DENND5B: variants seen among roughly 807,000 people sequenced by gnomAD.
The protein encoded by DENND5B is DENN domain-containing protein 5B.
In DENND5B, 34 loss-of-function variants were observed where a neutral mutation model predicts 140.6. That is an observed-to-expected ratio of 0.24 (90% CI 0.18 to 0.32). The LOEUF (loss-of-function observed/expected upper bound fraction) is 0.32. Ranked by LOEUF, DENND5B falls within the 10% of genes least tolerant of loss-of-function variation. The probability of loss-of-function intolerance (pLI) is 1.00; values close to 1 mark genes in which losing one functional copy is unlikely to be tolerated. For synonymous variants in DENND5B, 551 were observed against 562.1 expected (o/e 0.98, Z 0.28); for missense variants, 1,142 against 1,560.2 (o/e 0.73, Z 4.52).
chr12:31,402,777 A>G, intron 14 of DENND5B, 134 bp from the exon 15 acceptor site: 2 of 1,088,768 alleles, frequency 1.8e-6, no homozygotes, highest in Non-Finnish European at 2.5e-6. Context: ...ACTTATACGA[A>G]AAGTTGAGAT....
intron 1 of DENND5B, among the ~76,000 whole-genome samples, chr12:31,552,392 T>C (rs554688523): frequency 2.0e-5 from 3 of 152,358 alleles, no homozygotes; most frequent in Non-Finnish European, 4.4e-5. Flanking sequence ...TGAACCAGCC[T>C]TGCATCCCAG....
intron 7 of DENND5B, among the ~76,000 whole-genome samples, chr12:31,433,862 TA>T: frequency 6.6e-6 from 1 of 152,138 alleles, no homozygotes; most frequent in South Asian, 2.1e-4. Flanking sequence ...ACAAAAAATT[TA>T]AAAAATTAGC....
chr12:31,518,461 C>T (rs1947758074), intron 1 of DENND5B, among the ~76,000 whole-genome samples: 1 of 152,164 alleles, frequency 6.6e-6, no homozygotes, highest in African/African-American at 2.4e-5. Flanking sequence ...CACCTCTGTA[C>T]CCTTGTGCCA....
intron 2 of DENND5B, among the ~76,000 whole-genome samples, chr12:31,490,317 T>G (rs1042128302): frequency 2.6e-5 from 4 of 152,110 alleles, no homozygotes; most frequent in African/African-American, 9.7e-5. Flanking sequence ...CCTATAATTT[T>G]ACTGTGAGAT....
intron 1 of DENND5B, among the ~76,000 whole-genome samples, chr12:31,586,879 T>C (rs1191896553): frequency 6.6e-6 from 1 of 152,224 alleles, no homozygotes; most frequent in African/African-American, 2.4e-5. Flanking sequence ...ATCATTAACT[T>C]TGAAATTAAT....
intron 1 of DENND5B, among the ~76,000 whole-genome samples, chr12:31,525,809 T>C (rs1948065718): frequency 1.3e-5 from 2 of 152,128 alleles, no homozygotes. Context: ...CTGGGCAGCA[T>C]GGAGAAACCC....
At chr12:31,551,530 T>G (rs990830117) in intron 1 of DENND5B, among the ~76,000 whole-genome samples, 1 of 152,210 alleles carries the variant, frequency 6.6e-6, no homozygotes, top group Non-Finnish European at 1.5e-5. Flanking sequence ...GGCTTAGGAT[T>G]GACTCGGCGA....
intron 2 of DENND5B, among the ~76,000 whole-genome samples, chr12:31,483,991 C>T (rs1381613756): frequency 2.6e-5 from 4 of 151,238 alleles, no homozygotes; most frequent in African/African-American, 4.9e-5. Flanking sequence ...GTAGCTGGGA[C>T]TACAGGCCTG....
At chr12:31,568,779 A>G (rs1169211818) in intron 1 of DENND5B, among the ~76,000 whole-genome samples, 2 of 152,312 alleles carry the variant, frequency 1.3e-5, no homozygotes, top group East Asian at 1.9e-4. Context: ...AATTTTGTGA[A>G]CCAGCCAAAT....
chr12:31,447,515 T>C, intron 6 of DENND5B, 23 bp downstream of exon 6: 2 of 1,576,152 alleles, frequency 1.3e-6, no homozygotes, highest in East Asian at 2.3e-5. Flanking sequence ...TTTAATTTAA[T>C]TTAAAAGGCA....
intron 1 of DENND5B, among the ~76,000 whole-genome samples, chr12:31,584,126 T>C (rs1159293813): frequency 6.6e-6 from 1 of 152,212 alleles, no homozygotes; most frequent in Non-Finnish European, 1.5e-5. Context: ...ACAGTGGAAA[T>C]ACAAGCAAAA....
intron 5 of DENND5B, among the ~76,000 whole-genome samples, chr12:31,450,010 C>T (rs947621697): frequency 6.6e-6 from 1 of 152,160 alleles, no homozygotes; most frequent in Admixed American, 6.5e-5. Flanking sequence ...GGATTACAGG[C>T]GTGAGCCACT....
intron 1 of DENND5B, among the ~76,000 whole-genome samples, chr12:31,553,086 A>C (rs896099073): frequency 4.0e-5 from 6 of 151,738 alleles, no homozygotes. Context: ...GATCTTAGTT[A>C]TTTCTTGCCT....
Position 31,590,798 on chromosome 12 carries a change from G to A in DENND5B, c.35C>T (p.Ser12Leu), listed in dbSNP as rs1476900136. ...GCGGCAGGCGGCCGGGGAGGAGCCC[G>A]AGCCCGGGCCGGGCGCCGCGCAGCT... ...SGSCAAPGPG[S>L]GSSPAACRFA... is the part of the protein sequence containing the mutation. Residue 12 changes from serine to leucine, a missense_variant, in exon 1 of 21, where the codon TCG becomes TTG. Physicochemically the swap from Ser to Leu is moderately radical, Grantham distance 145 (BLOSUM62 -2). Around this residue, in one of 5 missense-constraint regions of DENND5B, gnomAD observed 708 missense variants for 905.5 expected, o/e 0.78. Transcript: ENST00000389082. The A allele has an allele frequency of 3.0e-6, 4 of 1,323,354 alleles. No individual in the cohort carries two copies. Among genetic ancestry groups the A allele is most frequent in the South Asian group, 2.0e-5 (1 of 48,814 alleles). 82.0% of individuals were successfully genotyped at this position (1,323,354 alleles called of 1,614,324 possible).
At chr12:31,406,146 A>AT (rs890594303) in intron 14 of DENND5B, among the ~76,000 whole-genome samples, 43 of 145,918 alleles carry the variant, frequency 2.9e-4, no homozygotes, top group East Asian at 1.8e-3. Flanking sequence ...ATGCCCAGCC[A>AT]TTTTTTTTTT....
intron 1 of DENND5B, chr12:31,500,677 CAAAAAAAAA>C (rs58877023): frequency 7.7e-4 from 70 of 90,584 alleles, no homozygotes; most frequent in African/African-American, 2.3e-3. Context: ...GAGACTGTCA[CAAAAAAAAA>C]AAAAAAAAAA....
chr12:31,467,065 T>A (rs1221092194), intron 3 of DENND5B, among the ~76,000 whole-genome samples: 1 of 151,574 alleles, frequency 6.6e-6, no homozygotes, highest in African/African-American at 2.4e-5. Flanking sequence ...CTCAGAGTTC[T>A]AAGAGAAAAA....
At chr12:31,473,860 A>T (rs1335166773) in intron 3 of DENND5B, among the ~76,000 whole-genome samples, 1 of 152,212 alleles carries the variant, frequency 6.6e-6, no homozygotes, top group East Asian at 1.9e-4. Context: ...CAAGGAAGAG[A>T]TTCTCACATA....
chr12:31,434,009 T>C (rs1225215419), intron 7 of DENND5B, among the ~76,000 whole-genome samples: 2 of 152,124 alleles, frequency 1.3e-5, no homozygotes, highest in Non-Finnish European at 2.9e-5. Flanking sequence ...AATAGAAAGA[T>C]TCAAACTCAT....
Sources: gnomAD v4.1 joint callset for allele counts (sites outside exome capture counted in the v4.1 genomes callset) on GRCh38, gnomAD v4.1.1 for gene constraint, gnomAD v4.1.1 regional missense constraint, MANE v1.5 for transcripts, NCBI Gene and HGNC (gene_info 2026-07-23, HGNC 2026-07-21) for gene names.